PIK3C2A: variants seen among roughly 807,000 people sequenced by gnomAD.
PIK3C2A encodes phosphatidylinositol-4-phosphate 3-kinase catalytic subunit type 2 alpha, also known as phosphatidylinositol 4-phosphate 3-kinase C2 domain-containing subunit alpha.
A neutral mutation model predicts 204.5 loss-of-function variants in PIK3C2A; 97 were observed. The observed-to-expected ratio is 0.47, with a 90% confidence interval of 0.40 to 0.56. The LOEUF (loss-of-function observed/expected upper bound fraction) is 0.56, where lower values mean the gene tolerates loss of function less well. Among genes scored for constraint, PIK3C2A ranks in the 20% least tolerant of loss-of-function variants. PIK3C2A has a pLI of 0.00. For missense variants in PIK3C2A, 1,735 were observed against 1,969.2 expected (o/e 0.88, Z 2.25); for synonymous variants, 653 against 664.4 (o/e 0.98, Z 0.26).
intron 8 of PIK3C2A, among the ~76,000 whole-genome samples, chr11:17,137,288 G>T (rs1045404125): frequency 6.6e-6 from 1 of 151,916 alleles, no homozygotes; most frequent in African/African-American, 2.4e-5. Context: ...TGTAGTCCTC[G>T]GAGCCTGTTT....
At chr11:17,170,407 G>C (rs1851119488) in intron 1 of PIK3C2A, among the ~76,000 whole-genome samples, 1 of 152,118 alleles carries the variant, frequency 6.6e-6, no homozygotes, top group African/African-American at 2.4e-5. Context: ...ATAAGACAAA[G>C]TGTTAAGGCT....
chr11:17,138,196 C>G, intron 8 of PIK3C2A: 2 of 955,254 alleles, frequency 2.1e-6, no homozygotes, highest in Admixed American at 3.5e-5. Context: ...ACACCACATG[C>G]AGATTTTGGT....
chr11:17,094,768 C>CA (rs1269675052), intron 27 of PIK3C2A, among the ~76,000 whole-genome samples: 2 of 151,862 alleles, frequency 1.3e-5, no homozygotes, highest in African/African-American at 4.8e-5. Context: ...GACCAAGAAG[C>CA]AAAAAAACCT....
At chr11:17,196,719 G>T (rs1852172830) in intron 1 of PIK3C2A, among the ~76,000 whole-genome samples, 1 of 151,850 alleles carries the variant, frequency 6.6e-6, no homozygotes, top group Middle Eastern at 3.2e-3. Flanking sequence ...ACAGGTACCG[G>T]CCACCACGCT....
At position 17,094,074 on chromosome 11, in the gene PIK3C2A, T is replaced by G. The variant is rs564295636; in HGVS notation, c.4451+187A>C. On this transcript the variant is annotated intron_variant, in intron 28 of 32. Coordinates refer to ENST00000691414, the MANE Select transcript of PIK3C2A (RefSeq NM_002645.4). Reference sequence around the variant, plus strand: ...ATATTTTAACATCCCGATCATTTATTCATTCAACAAAAACTTCCAGTTCCT... The same window carrying G: ...ATATTTTAACATCCCGATCATTTATGCATTCAACAAAAACTTCCAGTTCCT... Among the ~76,000 whole-genome samples the G allele has an allele frequency of 1.3e-4, 20 of 152,380 alleles. No homozygotes were observed. In the South Asian group the frequency reaches 1.9e-3, roughly 14 times the overall value.
In PIK3C2A at chr11:17,117,706, TG is replaced by T. The variant is rs377452859; in HGVS notation, c.3036-36del. 7.8e-3 allele frequency: 7,018 copies of T among 894,620 alleles called. 292 individuals are homozygous for T. Among genetic ancestry groups the T allele is most frequent in the Middle Eastern group, 8.2e-3 (31 of 3,778 alleles). 55.4% of individuals were successfully genotyped at this position (894,620 alleles called of 1,614,324 possible). On this transcript the variant is annotated intron_variant, in intron 18 of 32. Transcript: ENST00000691414. ...CAAAATATTTATGTTAGTCACGTCT[TG>T]GTTTTTTTTTTTTTTTTTTTTTTTT...
chr11:17,151,443 CTTG>C (rs1850423917), intron 3 of PIK3C2A, among the ~76,000 whole-genome samples: 1 of 152,094 alleles, frequency 6.6e-6, no homozygotes, highest in African/African-American at 2.4e-5. Context: ...GTATTGTATA[CTTG>C]CTTCTGTAGA....
chr11:17,184,977 A>G (rs1040899643), intron 1 of PIK3C2A, among the ~76,000 whole-genome samples: 6 of 152,022 alleles, frequency 3.9e-5, no homozygotes, highest in East Asian at 1.9e-4. Context: ...AAAAAAATAT[A>G]TATTTTTACA....
chr11:17,148,940 A>C (rs751117738), intron 4 of PIK3C2A, among the ~76,000 whole-genome samples, 153 bp from the exon 5 acceptor site: 9 of 152,238 alleles, frequency 5.9e-5, no homozygotes, highest in Non-Finnish European at 1.0e-4. Context: ...TAGTTGCCAC[A>C]TTGAAAAAAG....
intron 1 of PIK3C2A, among the ~76,000 whole-genome samples, chr11:17,179,336 A>AT (rs1262944348): frequency 6.6e-6 from 1 of 151,722 alleles, no homozygotes; most frequent in Non-Finnish European, 1.5e-5. Flanking sequence ...TAATTTTTAA[A>AT]TTTTTTATAG....
chr11:17,177,893 G>C (rs1300680545), intron 1 of PIK3C2A, among the ~76,000 whole-genome samples: 7 of 152,058 alleles, frequency 4.6e-5, no homozygotes, highest in Admixed American at 1.3e-4. Flanking sequence ...AGGAGTTTGA[G>C]ACCAGCCTGG....
At chr11:17,126,599 T>G (rs1008913681) in intron 13 of PIK3C2A, among the ~76,000 whole-genome samples, 1 of 152,180 alleles carries the variant, frequency 6.6e-6, no homozygotes, top group South Asian at 2.1e-4. Flanking sequence ...TTTCTCTACA[T>G]GTACTAATGT....
intron 1 of PIK3C2A, among the ~76,000 whole-genome samples, chr11:17,171,020 A>G (rs925678018): frequency 1.3e-5 from 2 of 151,998 alleles, no homozygotes; most frequent in African/African-American, 2.4e-5. Context: ...GGAGAATGGC[A>G]TGAACCCGGG....
At chr11:17,181,655 T>TACACACACACACACAC (rs1851567427) in intron 1 of PIK3C2A, among the ~76,000 whole-genome samples, 1 of 107,770 alleles carries the variant, frequency 9.3e-6, no homozygotes, top group African/African-American at 5.1e-5. Flanking sequence ...TATATATATA[T>TACACACACACACACAC]ATATACACAC....
At chr11:17,114,336 A>C (rs767003662) in intron 20 of PIK3C2A, 25 bp downstream of exon 20, 25 of 1,130,134 alleles carry the variant, frequency 2.2e-5, no homozygotes, top group Non-Finnish European at 3.1e-5. Context: ...ATGTAATATG[A>C]ACTTATAAGT....
At chr11:17,141,464 T>C (rs1850062934) in intron 8 of PIK3C2A, 1 of 152,110 alleles carries the variant, frequency 6.6e-6, no homozygotes, top group African/African-American at 2.4e-5. Context: ...TTAAAATCTT[T>C]ACCTTTTAAT....
intron 2 of PIK3C2A, among the ~76,000 whole-genome samples, chr11:17,158,843 T>A (rs1850689667): frequency 6.6e-6 from 1 of 152,148 alleles, no homozygotes; most frequent in African/African-American, 2.4e-5. Context: ...GTGAATTAGG[T>A]CTTTCCTTTT....
At chr11:17,100,381 C>CT (rs914672020) in intron 25 of PIK3C2A, among the ~76,000 whole-genome samples, 270 of 144,670 alleles carry the variant, frequency 1.9e-3, no homozygotes, top group African/African-American at 5.7e-3. Context: ...GCCTGGCGAA[C>CT]TTTTTTTTTT....
At chr11:17,158,803 A>C (rs1850687259) in intron 2 of PIK3C2A, among the ~76,000 whole-genome samples, 3 of 152,202 alleles carry the variant, frequency 2.0e-5, no homozygotes, top group Admixed American at 6.5e-5. Flanking sequence ...AAAAAAAATA[A>C]TAATAGTTGT....
Sources: allele counts gnomAD v4.1 joint callset (sites outside exome capture counted in the v4.1 genomes callset), GRCh38; gene constraint gnomAD v4.1.1; transcripts MANE v1.5; gene names NCBI Gene and HGNC (gene_info 2026-07-23, HGNC 2026-07-21).